The following DNAL1 variants were observed in gnomAD, a reference collection of about 807,000 sequenced individuals.
The protein encoded by DNAL1 is dynein axonemal light chain 1, also known as chromosome 14 open reading frame 168.
DNAL1 carries 17 observed loss-of-function variants against 29.4 expected under a neutral mutation model. The ratio of observed to expected loss-of-function variants is 0.58; its 90% CI spans 0.40 to 0.87. The LOEUF (loss-of-function observed/expected upper bound fraction) is 0.87. Ranked by LOEUF, DNAL1 falls within the 40% of genes least tolerant of loss-of-function variation. The probability of loss-of-function intolerance (pLI) is 0.00; values close to 1 mark genes in which losing one functional copy is unlikely to be tolerated. For synonymous variants in DNAL1, 78 were observed against 76.3 expected (o/e 1.02, Z -0.12); for missense variants, 188 against 214.1 (o/e 0.88, Z 0.76).
chr14:73,656,800 G>A (rs1891226702), intron 2 of DNAL1, among the ~76,000 whole-genome samples: 1 of 151,660 alleles, frequency 6.6e-6, no homozygotes, highest in Non-Finnish European at 1.5e-5. Flanking sequence ...CATTTATTGA[G>A]GATCTACTAG....
chr14:73,681,202 C>T lies in DNAL1; in HGVS notation c.265-6057C>T, dbSNP rs61125988. Among the ~76,000 whole-genome samples the T allele has an allele frequency of 7.9e-3, 1,185 of 150,698 alleles. 11 individuals carry two copies. The highest frequency in any genetic ancestry group is 0.028 in the African/African-American group (1,140 of 40,994). ...AGGCTGGAGTGCAGTGGCACCCTGT[C>T]GGCTCACTGCAACCTCCGTCTCCTG... On this transcript the variant is annotated intron_variant, in intron 5 of 7. Transcript: ENST00000553645.
At chr14:73,693,883 T>C (rs752833040) in intron 7 of DNAL1, among the ~76,000 whole-genome samples, 96 of 152,134 alleles carry the variant, frequency 6.3e-4, no homozygotes, top group Non-Finnish European at 1.9e-4. Flanking sequence ...TTATGAACAT[T>C]TATCAATCTG....
chr14:73,662,230 C>T lies in DNAL1; in HGVS notation c.208+188C>T, dbSNP rs138568104. On this transcript the variant is annotated intron_variant, in intron 4 of 7. Transcript: ENST00000553645. Reference sequence around the variant, plus strand: ...AAATAGAGATAGCATGAGCTCTGAACGTTTTAAAGACATTTAAAAGCTTTT... The same window carrying T: ...AAATAGAGATAGCATGAGCTCTGAATGTTTTAAAGACATTTAAAAGCTTTT... Among the ~76,000 whole-genome samples, 961 of 152,210 alleles carry T rather than the reference C, an allele frequency of 6.3e-3. 11 individuals are homozygous for T. Among genetic ancestry groups the T allele is most frequent in the African/African-American group, 0.022 (903 of 41,552 alleles).
Position 73,652,972 on chromosome 14 carries a change from A to G in DNAL1, c.4-1875A>G, listed in dbSNP as rs919131444. On this transcript the variant is annotated intron_variant, in intron 1 of 7. Coordinates refer to ENST00000553645, the MANE Select transcript of DNAL1 (RefSeq NM_031427.4). The stretch of plus-strand genomic sequence containing the variant: ...TGAACAAAAATTCTCTCAAAAGGAA[A>G]ATGGAGGGAAGAGACTTTATTTCAA... Among the ~76,000 whole-genome samples the G allele has an allele frequency of 2.0e-5, 3 of 152,188 alleles. No individual in the cohort carries two copies. The South Asian group carries it at 6.2e-4, about 31-fold the overall frequency.
intron 1 of DNAL1, among the ~76,000 whole-genome samples, chr14:73,647,997 A>G (rs145371459): frequency 4.6e-5 from 7 of 152,144 alleles, no homozygotes; most frequent in African/African-American, 1.7e-4. Flanking sequence ...GTTCGTTTTG[A>G]TACAGAGTCT....
At chr14:73,693,270 C>G (rs1892220156) in intron 7 of DNAL1, among the ~76,000 whole-genome samples, 1 of 137,856 alleles carries the variant, frequency 7.3e-6, no homozygotes, top group South Asian at 2.1e-4. Context: ...TTGGCGTTAT[C>G]TACAAAACTC....
At chr14:73,654,788 ACATT>A in intron 1 of DNAL1, 55 bp from the exon 2 acceptor site, 2 of 1,413,720 alleles carry the variant, frequency 1.4e-6, no homozygotes, top group Non-Finnish European at 1.9e-6. Context: ...ATACATACAT[ACATT>A]CATACATACA....
At chr14:73,691,120 G>A (rs1892161852) in intron 7 of DNAL1, among the ~76,000 whole-genome samples, 1 of 152,112 alleles carries the variant, frequency 6.6e-6, no homozygotes, top group African/African-American at 2.4e-5. Flanking sequence ...GATGATAATA[G>A]TATCATTAGT....
At chr14:73,658,006 G>A (rs1374364253) in intron 2 of DNAL1, among the ~76,000 whole-genome samples, 1 of 152,166 alleles carries the variant, frequency 6.6e-6, no homozygotes, top group East Asian at 1.9e-4. Context: ...TGTTTTCCCT[G>A]TATTTTCTTC....
chr14:73,681,633 AATATAT>A (rs71112793), intron 5 of DNAL1, among the ~76,000 whole-genome samples: 4 of 35,414 alleles, frequency 1.1e-4, no homozygotes, highest in South Asian at 1.8e-3. Flanking sequence ...AAAAAAAAAA[AATATAT>A]ATATATATAT....
intron 1 of DNAL1, among the ~76,000 whole-genome samples, chr14:73,645,664 C>G (rs1481844035): frequency 5.3e-5 from 8 of 152,118 alleles, no homozygotes. Flanking sequence ...ATTTCGACAA[C>G]ACACCTCAAG....
rs1040929160 is a variant in DNAL1, at chr14:73,668,740, G to A, written c.209-2802G>A. Among the ~76,000 whole-genome samples, 13 of 152,034 alleles carry A rather than the reference G, an allele frequency of 8.6e-5. No individual in the cohort carries two copies. In the East Asian group the frequency reaches 1.9e-3, roughly 23 times the overall value. On this transcript the variant is annotated intron_variant, in intron 4 of 7. Coordinates refer to ENST00000553645, the MANE Select transcript of DNAL1 (RefSeq NM_031427.4). ...CACCCAGGCTAGGGTGCAATGGCAC[G>A]ATCTTGGCTCACTGCAACCTCCGCC...
intron 1 of DNAL1, among the ~76,000 whole-genome samples, chr14:73,650,745 G>A (rs909893669): frequency 6.6e-6 from 1 of 152,028 alleles, no homozygotes; most frequent in African/African-American, 2.4e-5. Flanking sequence ...AAAAGTCCTG[G>A]GATTACAGGT....
chr14:73,690,820 CA>C (rs1383523897), intron 7 of DNAL1, among the ~76,000 whole-genome samples: 2 of 152,096 alleles, frequency 1.3e-5, no homozygotes, highest in Admixed American at 6.5e-5. Context: ...AAAGGTAACA[CA>C]AAGGTCACAA....
chr14:73,658,754 A>C, intron 2 of DNAL1, 93 bp from the exon 3 acceptor site: 1 of 904,024 alleles, frequency 1.1e-6, no homozygotes, highest in Non-Finnish European at 1.7e-6. Flanking sequence ...AATTGTCTTG[A>C]AATAAACATG....
At chr14:73,690,596 G>A (rs1191914867) in intron 7 of DNAL1, among the ~76,000 whole-genome samples, 1 of 151,236 alleles carries the variant, frequency 6.6e-6, no homozygotes, top group East Asian at 1.9e-4. Flanking sequence ...AGGTTGTGGT[G>A]AGCCATGATT....
intron 5 of DNAL1, among the ~76,000 whole-genome samples, chr14:73,677,871 T>A (rs1178174482): frequency 8.8e-6 from 1 of 113,632 alleles, no homozygotes; most frequent in African/African-American, 3.7e-5. Flanking sequence ...TATTTATATA[T>A]ATATATATAT....
At chr14:73,653,927 TTTGAA>T (rs1240823819) in intron 1 of DNAL1, among the ~76,000 whole-genome samples, 9 of 152,318 alleles carry the variant, frequency 5.9e-5, no homozygotes, top group Non-Finnish European at 7.3e-5. Context: ...AAAAAAATGG[TTTGAA>T]TTGAACTATG....
chr14:73,653,994 T>C (rs2140026535), intron 1 of DNAL1, among the ~76,000 whole-genome samples: 1 of 152,288 alleles, frequency 6.6e-6, no homozygotes. Flanking sequence ...ATTGATAGAG[T>C]TCTTTTAAAT....
Sources: allele counts gnomAD v4.1 joint callset (sites outside exome capture counted in the v4.1 genomes callset), GRCh38; gene constraint gnomAD v4.1.1; transcripts MANE v1.5; gene names NCBI Gene and HGNC (gene_info 2026-07-23, HGNC 2026-07-21).